HIC1: variants seen among roughly 807,000 people sequenced by gnomAD.
HIC1 encodes the protein hypermethylated in cancer 1 protein.
Under a neutral mutation model 26.4 loss-of-function variants are expected in HIC1, and 9 were observed. The observed-to-expected ratio is 0.34, with a 90% CI of 0.21 to 0.59. The LOEUF (loss-of-function observed/expected upper bound fraction) is 0.59. HIC1 is among the 20% of genes least tolerant of loss of function. HIC1 has a pLI of 0.82. For missense variants in HIC1, 965 were observed against 1,075.7 expected, an observed-to-expected ratio of 0.90 and a Z score of 1.44; for synonymous variants, 631 against 523.1, an observed-to-expected ratio of 1.21 and a Z score of -2.81.
chr17:2,061,490 C>CTG lies in HIC1; in HGVS notation c.*2655_*2656insTG. On this transcript the variant is annotated 3_prime_UTR_variant, in exon 2 of 2. Transcript: ENST00000619757. Reference sequence around the variant, plus strand: ...CGGGGGGGGGGCCCCAGTGTGGCTCCCTCAGCCCACCTGGGCCCACGTGAG... The same window carrying CTG: ...CGGGGGGGGGGCCCCAGTGTGGCTCCTGCTCAGCCCACCTGGGCCCACGTGAG... The CTG allele has an allele frequency of 6.4e-7, 1 of 1,570,744 alleles. No individual in the cohort carries two copies. Among genetic ancestry groups the CTG allele is most frequent in the Non-Finnish European group, 8.6e-7 (1 of 1,159,646 alleles).
chr17:2,058,326 T>TG lies in HIC1; in HGVS notation c.1637dup (p.Cys546TrpfsTer227). 6.2e-7 allele frequency: 1 copy of TG among 1,609,432 alleles called. No homozygotes were observed. The highest frequency in any genetic ancestry group is 1.3e-5 in the African/African-American group (1 of 74,996). ...CCACCTGGGCCTCAAGCCCTTCGCG[T>TG]GCGACGCGTGCGGCATGCGGTTCAC... On this transcript the variant is annotated frameshift_variant, in exon 2 of 2. Transcript: ENST00000619757. LOFTEE classifies it high-confidence loss of function.
At chr17:2,056,534 T>G in intron 1 of HIC1, 137 bp from the exon 2 acceptor site, 1 of 1,369,194 alleles carries the variant, frequency 7.3e-7, no homozygotes, top group South Asian at 1.4e-5. Flanking sequence ...CAGCCGGTCC[T>G]TCGCCGGTGC....
In HIC1 at chr17:2,061,882, C is replaced by T. The variant is rs2067791576; in HGVS notation, c.*3047C>T. The T allele has an allele frequency of 2.3e-6, 1 of 434,822 alleles. No homozygotes were observed. Among genetic ancestry groups the T allele is most frequent in the Non-Finnish European group, 4.3e-6 (1 of 233,400 alleles). 26.9% of individuals were successfully genotyped at this position (434,822 alleles called of 1,614,324 possible). On this transcript the variant is annotated 3_prime_UTR_variant, in exon 2 of 2. Transcript: ENST00000619757. ...TCTTCTGCCTAGTTCCCAAAAGCTG[C>T]CCAAACCCGTCAGCCTCCCAGGACC...
rs1567556697 is a variant in HIC1, at chr17:2,057,390, G to A, written c.700G>A (p.Ala234Thr). The A allele has an allele frequency of 2.1e-6, 3 of 1,441,140 alleles. No homozygotes were observed. The highest frequency in any genetic ancestry group is 6.2e-5 in the East Asian group (2 of 32,416). The allele number at this position is 1,441,140 out of a possible 1,614,324, so 89.3% of individuals were successfully genotyped here. A position where few individuals can be genotyped will look rare whatever the true frequency, so the allele number is the denominator to read the frequency against. The change falls in exon 2 of 2, where the codon GCG becomes ACG. Residue 234 changes from alanine (A) to threonine (T), a missense_variant. This residue lies in a region of HIC1 where 526 missense variants were observed against 525.0 expected (regional missense o/e 1.00). Coordinates refer to ENST00000619757, the MANE Select transcript of HIC1 (RefSeq NM_006497.4). Reference protein sequence around the residue: ...DLSKKSPPGSAAPERPLAERE... With the variant: ...DLSKKSPPGSTAPERPLAERE... ...GTCCAAGAAGAGCCCGCCGGGCTCC[G>A]CGGCGCCAGAGCGGCCGCTGGCTGA...
chr17:2,056,230 T>G (rs1408325789), intron 1 of HIC1: 4 of 1,256,802 alleles, frequency 3.2e-6, no homozygotes, highest in South Asian at 1.2e-5. Context: ...TTCCCCCAAC[T>G]GGGGCAACTT....
Position 2,057,832 on chromosome 17 carries a change from G to C in HIC1, c.1142G>C (p.Ser381Thr). 1.3e-6 allele frequency: 2 copies of C among 1,577,622 alleles called. No homozygotes were observed. The highest frequency in any genetic ancestry group is 1.7e-6 in the Non-Finnish European group (2 of 1,163,888). Residue 381 changes from serine (S) to threonine (T), a missense_variant, in exon 2 of 2, where the codon AGC (serine) becomes ACC (threonine). Around this residue, in one of 6 missense-constraint regions of HIC1, gnomAD observed 526 missense variants for 525.0 expected, o/e 1.00. Coordinates refer to ENST00000619757, the MANE Select transcript of HIC1 (RefSeq NM_006497.4). ...GGDGDDYKSSSEETGSSEDPS... is the reference protein window; with the variant it reads ...GGDGDDYKSSTEETGSSEDPS... ...GACGGCGACGACTACAAGAGCAGCA[G>C]CGAGGAGACCGGTAGCAGCGAGGAC...
rs375891653 is a variant in HIC1 at position 2,056,898 on chromosome 17, G to A, written c.208G>A (p.Val70Met). 4.3e-5 allele frequency: 69 copies of A among 1,612,738 alleles called. No individual in the cohort carries two copies. In the African/African-American group the frequency reaches 6.4e-4, roughly 15 times the overall value. ...CCTGCTCAACCTGGACCATGACATG[G>A]TGAGCCCGGCCGTGTTCCGCCTGGT... ...DNLLNLDHDM[V>M]SPAVFRLVLD... The change falls in exon 2 of 2, where the codon GTG becomes ATG. Residue 70 changes from valine (V) to methionine (M), a missense_variant. Transcript: ENST00000619757.
At position 2,056,605 on chromosome 17, in the gene HIC1, G is replaced by C. The variant is rs576596101; in HGVS notation, c.-20-66G>C. 13 of 1,464,988 alleles carry C rather than the reference G, an allele frequency of 8.9e-6. No individual in the cohort carries two copies. In the Middle Eastern group the frequency reaches 8.0e-4, roughly 90 times the overall value. The allele number at this position is 1,464,988 out of a possible 1,614,324, so 90.7% of individuals were successfully genotyped here. A position where few individuals can be genotyped will look rare whatever the true frequency, so the allele number is the denominator to read the frequency against. On this transcript the variant is annotated intron_variant, in intron 1 of 1. Coordinates refer to ENST00000619757, the MANE Select transcript of HIC1 (RefSeq NM_006497.4). Reference sequence around the variant, plus strand: ...GGAAGGGGAAGTGGAGGGGAGAAGTGCCGGGCTGGGGCCAGGCGGCCAGGG... The same window carrying C: ...GGAAGGGGAAGTGGAGGGGAGAAGTCCCGGGCTGGGGCCAGGCGGCCAGGG...
Position 2,057,556 on chromosome 17 carries a change from G to A in HIC1, c.866G>A (p.Arg289His), listed in dbSNP as rs978348590. The change falls in exon 2 of 2, where the codon CGC (arginine) becomes CAC (histidine). Residue 289 changes from arginine to histidine, a missense_variant. By Grantham distance (29) the Arg-to-His change is conservative (BLOSUM62 0). This residue lies in a region of HIC1 where 526 missense variants were observed against 525.0 expected (regional missense o/e 1.00). Transcript: ENST00000619757. ...EEAAPPSDPF[R>H]GGSGSPGPEP... ...GCCGCACCGCCTTCCGACCCATTTC[G>A]CGGCGGCAGCGGCAGCCCGGGACCC... 1 of 1,500,220 alleles carries A rather than the reference G, an allele frequency of 6.7e-7. No individual in the cohort carries two copies. Among genetic ancestry groups the A allele is most frequent in the Non-Finnish European group, 8.8e-7 (1 of 1,130,058 alleles). 92.9% of individuals were successfully genotyped at this position (1,500,220 alleles called of 1,614,324 possible). A position where few individuals can be genotyped will look rare whatever the true frequency, so the allele number is the denominator to read the frequency against.
rs2067770413 is a variant in HIC1 at position 2,061,422 on chromosome 17, C to T, written c.*2587C>T. ...GTGGCTCAGGCACGTGGGCATCTTC[C>T]GTGCTACACTGGGCGCCTGGTGGCC... On this transcript the variant is annotated 3_prime_UTR_variant, in exon 2 of 2. Coordinates refer to ENST00000619757, the MANE Select transcript of HIC1 (RefSeq NM_006497.4). 4.8e-6 allele frequency: 7 copies of T among 1,464,008 alleles called. No homozygotes were observed. Among genetic ancestry groups the T allele is most frequent in the Admixed American group, 2.1e-5 (1 of 48,304 alleles). The allele number at this position is 1,464,008 out of a possible 1,614,324, so 90.7% of individuals were successfully genotyped here. A position where few individuals can be genotyped will look rare whatever the true frequency, so the allele number is the denominator to read the frequency against.
rs1196205064 is a variant in HIC1, at chr17:2,058,169, C to T, written c.1479C>T (p.Cys493=). 7 of 1,609,936 alleles carry T rather than the reference C, an allele frequency of 4.3e-6. No individual in the cohort carries two copies. Among genetic ancestry groups the T allele is most frequent in the African/African-American group, 4.0e-5 (3 of 74,924 alleles). The change falls in exon 2 of 2, where the codon TGC becomes TGT. Residue 493 remains cysteine, a synonymous_variant. Coordinates refer to ENST00000619757, the MANE Select transcript of HIC1 (RefSeq NM_006497.4). ...TGCGGCCCTACCGCTGCGCGTCGTG[C>T]GACAAGAGCTACAAGGACCCGGCCA... The part of the protein sequence containing the change: ...ELLRPYRCAS[C]DKSYKDPATL...
Position 2,061,525 on chromosome 17 carries a change from G to C in HIC1, c.*2690G>C. On this transcript the variant is annotated 3_prime_UTR_variant, in exon 2 of 2. Transcript: ENST00000619757. ...CCTGGGCCCACGTGAGGAAGGCTGG[G>C]ATGTCCCGTACAGGAACATTCCTTG... 6.3e-7 allele frequency: 1 copy of C among 1,575,260 alleles called. No individual in the cohort carries two copies. The highest frequency in any genetic ancestry group is 8.6e-7 in the Non-Finnish European group (1 of 1,160,304).
At chr17:2,056,359 A>T in intron 1 of HIC1, 2 of 1,611,908 alleles carry the variant, frequency 1.2e-6, no homozygotes, top group East Asian at 4.5e-5. Context: ...AACTGTCTCC[A>T]AAAGGGTCAC....
Position 2,058,172 on chromosome 17 carries a change from C to T in HIC1, c.1482C>T (p.Asp494=), listed in dbSNP as rs201380957. ...GGCCCTACCGCTGCGCGTCGTGCGA[C>T]AAGAGCTACAAGGACCCGGCCACGC... ...LLRPYRCASC[D]KSYKDPATLR... Residue 494 remains aspartate (D), a synonymous_variant, in exon 2 of 2, where the codon GAC becomes GAT. Coordinates refer to ENST00000619757, the MANE Select transcript of HIC1 (RefSeq NM_006497.4). 1.7e-5 allele frequency: 28 copies of T among 1,610,514 alleles called. No homozygotes were observed. The African/African-American group carries it at 2.8e-4, about 16-fold the overall frequency.
In HIC1 at chr17:2,060,293, AC is replaced by A. The variant is rs1180008474; in HGVS notation, c.*1460del. ...GGTAAGGAAGCCTCCCCACTGAGGT[AC>A]CAGCTAAAGGGGCAAGGAAAGGGCC... On this transcript the variant is annotated 3_prime_UTR_variant, in exon 2 of 2. Transcript: ENST00000619757. 1 of 152,286 alleles carries A rather than the reference AC, an allele frequency of 6.6e-6. No individual in the cohort carries two copies. Among genetic ancestry groups the A allele is most frequent in the Admixed American group, 6.5e-5 (1 of 15,286 alleles). The allele number at this position is 152,286 out of a possible 1,614,324, so 9.4% of individuals were successfully genotyped here. A position where few individuals can be genotyped will look rare whatever the true frequency, so the allele number is the denominator to read the frequency against.
rs1264914860 is a variant in HIC1 at position 2,057,688 on chromosome 17, C to A, written c.998C>A (p.Pro333His). The change falls in exon 2 of 2, where the codon CCC becomes CAC. Residue 333 changes from proline (P) to histidine (H), a missense_variant. By Grantham distance (77) the Pro-to-His change is moderately conservative. This residue lies in a region of HIC1 where 526 missense variants were observed against 525.0 expected (regional missense o/e 1.00). Transcript: ENST00000619757. ...GDELGRERGS[P>H]SERCEERGGD... ...GAGCTGGGCCGGGAGCGCGGCTCCCCCAGCGAGCGCTGCGAAGAGCGTGGT... is the reference window on the plus strand; with the variant it reads ...GAGCTGGGCCGGGAGCGCGGCTCCCACAGCGAGCGCTGCGAAGAGCGTGGT... The A allele has an allele frequency of 6.7e-7, 1 of 1,490,130 alleles. No individual in the cohort carries two copies. The highest frequency in any genetic ancestry group is 8.9e-7 in the Non-Finnish European group (1 of 1,126,750). 92.3% of individuals were successfully genotyped at this position (1,490,130 alleles called of 1,614,324 possible). A position where few individuals can be genotyped will look rare whatever the true frequency, so the allele number is the denominator to read the frequency against.
chr17:2,056,191 G>T lies in HIC1; in HGVS notation c.-20-480G>T. The stretch of plus-strand genomic sequence containing the variant: ...CCCCCGGCCAGGGCGGCGCCAGGGC[G>T]GGCACCGCGCTCCCCTCCTCCGTAT... On this transcript the variant is annotated intron_variant, in intron 1 of 1. Transcript: ENST00000619757. 5.7e-6 allele frequency: 5 copies of T among 872,934 alleles called. No individual in the cohort carries two copies. In the Admixed American group the frequency reaches 7.3e-5, roughly 13 times the overall value. 54.1% of individuals were successfully genotyped at this position (872,934 alleles called of 1,614,324 possible). A position where few individuals can be genotyped will look rare whatever the true frequency, so the allele number is the denominator to read the frequency against.
rs1268516042 is a variant in HIC1 at position 2,063,040 on chromosome 17, G to A, written c.*4205G>A. On this transcript the variant is annotated 3_prime_UTR_variant, in exon 2 of 2. Transcript: ENST00000619757. ...GCCCCTCTGCAGATAAGTGTGGCTG[G>A]GGTGGTGGTATGCAGGGCTGTGTGG... 2 of 152,514 alleles carry A rather than the reference G, an allele frequency of 1.3e-5. No individual in the cohort carries two copies. Among genetic ancestry groups the A allele is most frequent in the African/African-American group, 4.8e-5 (2 of 41,456 alleles). 9.4% of individuals were successfully genotyped at this position (152,514 alleles called of 1,614,324 possible). A position where few individuals can be genotyped will look rare whatever the true frequency, so the allele number is the denominator to read the frequency against.
Position 2,057,680 on chromosome 17 carries a change from C to T in HIC1, c.990C>T (p.Arg330=), listed in dbSNP as rs77393586. Residue 330 remains arginine (R), a synonymous_variant, in exon 2 of 2, where the codon CGC becomes CGT. Transcript: ENST00000619757. Reference sequence around the variant, plus strand: ...ATGGCGACGAGCTGGGCCGGGAGCGCGGCTCCCCCAGCGAGCGCTGCGAAG... The same window carrying T: ...ATGGCGACGAGCTGGGCCGGGAGCGTGGCTCCCCCAGCGAGCGCTGCGAAG... ...GSYGDELGRE[R]GSPSERCEER... The T allele has an allele frequency of 0.14, 212,424 of 1,497,720 alleles. 16,434 individuals are homozygous for T. The highest frequency in any genetic ancestry group is 0.29 in the Admixed American group (13,586 of 46,610). The allele number at this position is 1,497,720 out of a possible 1,614,324, so 92.8% of individuals were successfully genotyped here.
Sources: allele counts gnomAD v4.1 joint callset, GRCh38; gene constraint gnomAD v4.1.1; regional missense constraint gnomAD v4.1.1; transcripts MANE v1.5; gene names NCBI Gene and HGNC (gene_info 2026-07-23, HGNC 2026-07-21).